The following RPS6KA2 variants were observed in gnomAD, a reference collection of about 807,000 sequenced individuals.
RPS6KA2 encodes the protein ribosomal protein S6 kinase A2, also known as ribosomal protein S6 kinase alpha-2.
Under a neutral mutation model 91.8 loss-of-function variants are expected in RPS6KA2, and 42 were observed. That is an observed-to-expected ratio of 0.46 (90% confidence interval 0.36 to 0.59). RPS6KA2 has a LOEUF of 0.59. Ranked by LOEUF, RPS6KA2 falls within the 20% of genes least tolerant of loss-of-function variation. The pLI, the probability that RPS6KA2 is intolerant of heterozygous loss-of-function variation, is 0.00. For missense variants in RPS6KA2, 798 were observed against 978.5 expected (o/e 0.82, Z 2.46); for synonymous variants, 414 against 393.6 (o/e 1.05, Z -0.61).
chr6:166,695,667 A>G (rs1199811758), intron 2 of RPS6KA2, among the ~76,000 whole-genome samples: 1 of 142,532 alleles, frequency 7.0e-6, no homozygotes, highest in African/African-American at 2.6e-5. Flanking sequence ...ACAGAACTAG[A>G]TTCTCCTAGG....
chr6:166,528,723 G>GA (rs1359393725), intron 3 of RPS6KA2, among the ~76,000 whole-genome samples: 1 of 151,738 alleles, frequency 6.6e-6, no homozygotes, highest in Non-Finnish European at 1.5e-5. Context: ...AAATTTACAA[G>GA]AAAAAAATCA....
chr6:166,562,904 T>C (rs1423929330), intron 1 of RPS6KA2, among the ~76,000 whole-genome samples: 1 of 151,928 alleles, frequency 6.6e-6, no homozygotes, highest in Non-Finnish European at 1.5e-5. Context: ...GCAGGGGGCC[T>C]GGGATGTGTG....
At chr6:166,692,811 C>T (rs1583025097) in intron 2 of RPS6KA2, among the ~76,000 whole-genome samples, 1 of 152,292 alleles carries the variant, frequency 6.6e-6, no homozygotes, top group East Asian at 1.9e-4. Flanking sequence ...TCCCATAGAA[C>T]TTAGAGAAGG....
rs1195349107 is a variant in RPS6KA2, at chr6:166,739,798, G to A, written c.123+118402C>T. Among the ~76,000 whole-genome samples, 7 of 152,178 alleles carry A rather than the reference G, an allele frequency of 4.6e-5. No individual in the cohort carries two copies. In the South Asian group the frequency reaches 8.3e-4, roughly 18 times the overall value. On this transcript the variant is annotated intron_variant, in intron 2 of 21. Transcript: ENST00000503859. ...GGATTTGAAAGAGCTAAGTGTGCAC[G>A]GGGCTTGGCTCCGTGCAGCTTCCAC...
chr6:166,490,681 G>A lies in RPS6KA2; in HGVS notation c.808C>T (p.Leu270Phe). Residue 270 changes from leucine (L) to phenylalanine (F), a missense_variant, in exon 9 of 21, where the codon CTC becomes TTC. Physicochemically the swap from Leu to Phe is conservative, Grantham distance 22. Coordinates refer to ENST00000265678, the MANE Select transcript of RPS6KA2 (RefSeq NM_021135.6). The surrounding 1 kb of genome is among the most constrained non-coding windows in gnomAD (Gnocchi z 4.2). Reference sequence around the variant, plus strand: ...TCCCACACTACTCACTTGAGGATGAGAGCCATGGTCTCCTTCCTGTCCTTC... The same window carrying A: ...TCCCACACTACTCACTTGAGGATGAAAGCCATGGTCTCCTTCCTGTCCTTC... ...QGKDRKETMALILKAKLGMPQ... is the reference protein window; with the variant it reads ...QGKDRKETMAFILKAKLGMPQ... The A allele has an allele frequency of 6.2e-7, 1 of 1,611,028 alleles. No homozygotes were observed. Among genetic ancestry groups the A allele is most frequent in the Non-Finnish European group, 8.5e-7 (1 of 1,178,370 alleles).
intron 10 of RPS6KA2, among the ~76,000 whole-genome samples, chr6:166,488,180 C>T (rs896664871): frequency 6.6e-6 from 1 of 152,062 alleles, no homozygotes; most frequent in African/African-American, 2.4e-5. Context: ...ACCGTAAACA[C>T]CCTGCTCTAG....
Position 166,448,337 on chromosome 6 carries a change from G to A in RPS6KA2, c.1332+387C>T, listed in dbSNP as rs1779744626. Among the ~76,000 whole-genome samples, 1 of 152,134 alleles carries A rather than the reference G, an allele frequency of 6.6e-6. No individual in the cohort carries two copies. Among genetic ancestry groups the A allele is most frequent in the East Asian group, 1.9e-4 (1 of 5,198 alleles). ...GGGGCCCAAAACTTTTGCTCTTGGT[G>A]TATGTCATACACCAAGCTACGAAAG... On this transcript the variant is annotated intron_variant, in intron 14 of 20. Coordinates refer to ENST00000265678, the MANE Select transcript of RPS6KA2 (RefSeq NM_021135.6). This position sits in a 1 kb window ranked among gnomAD's most constrained non-coding sequence, Gnocchi z 4.7.
At chr6:166,501,086 T>TTCCCA (rs2128478331) in intron 6 of RPS6KA2, among the ~76,000 whole-genome samples, 162 bp from the exon 7 acceptor site, 1 of 152,256 alleles carries the variant, frequency 6.6e-6, no homozygotes, top group South Asian at 2.1e-4. Context: ...GCGGTGGGCC[T>TTCCCA]TCCCATCCTG....
At chr6:166,484,916 A>C (rs114024232) in intron 10 of RPS6KA2, among the ~76,000 whole-genome samples, 4,583 of 152,350 alleles carry the variant, frequency 0.03, 219 homozygotes, top group African/African-American at 0.1. Context: ...GCTTTGAAGT[A>C]CTGTCACGAG....
chr6:166,756,284 C>T lies in RPS6KA2; in HGVS notation c.123+101916G>A, dbSNP rs567351905. ...CAGCCTGGGCAACAGAGCGAGACTC[C>T]GTCTCAAAAAAAAACCAAAAACAAA... On this transcript the variant is annotated intron_variant, in intron 2 of 21. Coordinates refer to the RPS6KA2 transcript ENST00000503859. Among the ~76,000 whole-genome samples the T allele has an allele frequency of 1.9e-3, 282 of 151,912 alleles. 1 individual carries two copies. The highest frequency in any genetic ancestry group is 3.8e-3 in the African/African-American group (159 of 41,436).
intron 1 of RPS6KA2, among the ~76,000 whole-genome samples, chr6:166,611,157 T>C (rs1039184149): frequency 6.6e-6 from 1 of 152,254 alleles, no homozygotes; most frequent in African/African-American, 2.4e-5. Context: ...TCTACTATGT[T>C]TTGAAGCAAA....
chr6:166,835,302 T>C (rs1451984236), intron 2 of RPS6KA2, among the ~76,000 whole-genome samples: 1 of 152,242 alleles, frequency 6.6e-6, no homozygotes, highest in African/African-American at 2.4e-5. Flanking sequence ...TGATTAAGTT[T>C]AGGAATCTGT....
Position 166,485,665 on chromosome 6 carries a change from C to T in RPS6KA2, c.907+3168G>A, listed in dbSNP as rs116711785. 4.2e-3 allele frequency among the ~76,000 whole-genome samples: 636 copies of T among 152,300 alleles called. 2 individuals are homozygous for T. The highest frequency in any genetic ancestry group is 0.014 in the African/African-American group (601 of 41,570). On this transcript the variant is annotated intron_variant, in intron 10 of 20. Coordinates refer to ENST00000265678, the MANE Select transcript of RPS6KA2 (RefSeq NM_021135.6). ...CTCAACTTGCATCTGTCTCCAAACA[C>T]GCCCTCAGAGTTAAGAAACACCGCC...
chr6:166,862,225 C>G, exon 1 of RPS6KA2: 1 of 1,612,576 alleles, frequency 6.2e-7, no homozygotes, highest in Non-Finnish European at 8.5e-7. Context: ...AGGAAATAAA[C>G]AGAGGCTCGG....
intron 2 of RPS6KA2, among the ~76,000 whole-genome samples, chr6:166,780,170 G>A (rs923833959): frequency 1.1e-4 from 17 of 152,208 alleles, no homozygotes; most frequent in Admixed American, 3.9e-4. Context: ...GGGCTGCATC[G>A]CGTACCCCAA....
chr6:166,757,795 T>G (rs1044465996), intron 2 of RPS6KA2: 13 of 307,226 alleles, frequency 4.2e-5, no homozygotes, highest in African/African-American at 2.5e-4. Context: ...CAGCTGTGAG[T>G]TGAAAAAACT....
intron 2 of RPS6KA2, among the ~76,000 whole-genome samples, chr6:166,780,840 A>T (rs1206062644): frequency 6.6e-6 from 1 of 152,244 alleles, no homozygotes; most frequent in East Asian, 1.9e-4. Flanking sequence ...TGGATTACAC[A>T]GATGTGGACA....
intron 2 of RPS6KA2, among the ~76,000 whole-genome samples, chr6:166,790,938 G>A (rs1273982548): frequency 6.6e-6 from 1 of 152,282 alleles, no homozygotes; most frequent in Non-Finnish European, 1.5e-5. Context: ...ATCAAGGCTA[G>A]GAAGAAACTA....
chr6:166,499,978 T>C (rs1781967370), intron 7 of RPS6KA2, among the ~76,000 whole-genome samples: 1 of 152,246 alleles, frequency 6.6e-6, no homozygotes, highest in Admixed American at 6.5e-5. Flanking sequence ...CCTGGATTTC[T>C]GGGTGTGCCC....
Sources: allele counts gnomAD v4.1 joint callset (sites outside exome capture counted in the v4.1 genomes callset), GRCh38; gene constraint gnomAD v4.1.1; non-coding constraint Gnocchi (gnomAD v3.1); transcripts MANE v1.5; gene names NCBI Gene and HGNC (gene_info 2026-07-23, HGNC 2026-07-21).